The following CNBD1 variants were observed in gnomAD, a reference collection of about 807,000 sequenced individuals.
CNBD1 encodes the protein cyclic nucleotide binding domain containing 1.
A neutral mutation model predicts 54.4 loss-of-function variants in CNBD1; 71 were observed. The observed-to-expected ratio is 1.30, with a 90% CI of 1.08 to 1.59. The LOEUF is 1.59. Among genes scored for constraint, CNBD1 ranks in the 40% most tolerant of loss-of-function variants. The probability of loss-of-function intolerance (pLI) is 0.00; values close to 1 mark genes in which losing one functional copy is unlikely to be tolerated. For synonymous variants in CNBD1, 182 were observed against 170.7 expected (o/e 1.07, Z -0.51); for missense variants, 659 against 518.0 (o/e 1.27, Z -2.64).
chr8:87,051,764 A>C (rs945212364), intron 4 of CNBD1, among the ~76,000 whole-genome samples: 1 of 152,186 alleles, frequency 6.6e-6, no homozygotes, highest in Non-Finnish European at 1.5e-5. Flanking sequence ...TCATTCTGGT[A>C]AACCCACAAC....
chr8:87,260,577 T>C (rs1445975659), intron 6 of CNBD1, among the ~76,000 whole-genome samples: 3 of 152,182 alleles, frequency 2.0e-5, no homozygotes, highest in Non-Finnish European at 2.9e-5. Context: ...TCCACTGTTT[T>C]TGCACAGGGA....
intron 4 of CNBD1, among the ~76,000 whole-genome samples, chr8:86,977,036 C>T (rs1349839655): frequency 6.6e-6 from 1 of 151,960 alleles, no homozygotes; most frequent in African/African-American, 2.4e-5. Context: ...CAAAATTGCT[C>T]TGTCTAGAAT....
At chr8:87,116,954 GT>G (rs1180427709) in intron 4 of CNBD1, among the ~76,000 whole-genome samples, 1 of 151,884 alleles carries the variant, frequency 6.6e-6, no homozygotes, top group African/African-American at 2.4e-5. Flanking sequence ...TACTCTTTCT[GT>G]TTTTCTTACC....
chr8:87,244,158 A>G (rs896377197), intron 6 of CNBD1, among the ~76,000 whole-genome samples: 1 of 152,146 alleles, frequency 6.6e-6, no homozygotes, highest in African/African-American at 2.4e-5. Flanking sequence ...TGTAAGAAGT[A>G]CATTGGTCCC....
At chr8:87,258,028 A>G (rs1165344167) in intron 6 of CNBD1, among the ~76,000 whole-genome samples, 2 of 152,148 alleles carry the variant, frequency 1.3e-5, no homozygotes, top group African/African-American at 4.8e-5. Context: ...TATAACCTGA[A>G]GATTAAACAT....
At position 86,939,773 on chromosome 8, in the gene CNBD1, T is replaced by C. The variant is rs756027838; in HGVS notation, c.431+19T>C. Reference sequence around the variant, plus strand: ...AGAAATTGTAAGTATTTAAAATATATTCCTTCTTCTAATTGAGTAATTCTT... The same window carrying C: ...AGAAATTGTAAGTATTTAAAATATACTCCTTCTTCTAATTGAGTAATTCTT... On this transcript the variant is annotated intron_variant, in intron 4 of 10. Transcript: ENST00000518476. The C allele has an allele frequency of 7.2e-7, 1 of 1,392,138 alleles. No homozygotes were observed. Among genetic ancestry groups the C allele is most frequent in the Admixed American group, 2.4e-5 (1 of 42,250 alleles). The allele number at this position is 1,392,138 out of a possible 1,614,324, so 86.2% of individuals were successfully genotyped here.
chr8:86,919,867 A>T (rs1563822059), intron 3 of CNBD1, among the ~76,000 whole-genome samples: 1 of 152,160 alleles, frequency 6.6e-6, no homozygotes, highest in Non-Finnish European at 1.5e-5. Flanking sequence ...TAAAATGCAG[A>T]TTCCAATTCA....
At chr8:87,036,509 G>T (rs910195959) in intron 4 of CNBD1, among the ~76,000 whole-genome samples, 3 of 147,200 alleles carry the variant, frequency 2.0e-5, no homozygotes, top group Non-Finnish European at 3.0e-5. Context: ...CAGGAGAATG[G>T]CTTGAACCCA....
intron 4 of CNBD1, among the ~76,000 whole-genome samples, chr8:87,140,830 A>T (rs1812356386): frequency 1.3e-5 from 2 of 152,180 alleles, no homozygotes; most frequent in Admixed American, 1.3e-4. Context: ...GAGTAGGCAT[A>T]ACTGGTGACA....
intron 4 of CNBD1, among the ~76,000 whole-genome samples, chr8:87,161,795 AG>A (rs1812863715): frequency 1.3e-5 from 2 of 152,162 alleles, no homozygotes; most frequent in Non-Finnish European, 2.9e-5. Context: ...TAAGTACTGA[AG>A]AAAATAATGT....
chr8:87,384,787 C>T (rs903133186), downstream of CNBD1, among the ~76,000 whole-genome samples: 1 of 151,778 alleles, frequency 6.6e-6, no homozygotes, highest in Non-Finnish European at 1.5e-5. Context: ...TAAGATAGAA[C>T]AATATAGGTA....
intron 4 of CNBD1, among the ~76,000 whole-genome samples, chr8:87,196,276 A>G (rs183936762): frequency 2.7e-4 from 41 of 152,306 alleles, no homozygotes; most frequent in Admixed American, 7.2e-4. Context: ...AGAAGATATG[A>G]TATTTTTAAG....
chr8:87,113,881 T>A (rs1200851668), intron 4 of CNBD1, among the ~76,000 whole-genome samples: 5 of 151,286 alleles, frequency 3.3e-5, no homozygotes, highest in African/African-American at 4.9e-5. Flanking sequence ...ATCGCGCCAC[T>A]GTACTTCAAC....
At chr8:87,269,687 A>G (rs980337655) in intron 6 of CNBD1, among the ~76,000 whole-genome samples, 6 of 152,070 alleles carry the variant, frequency 3.9e-5, no homozygotes, top group Non-Finnish European at 5.9e-5. Flanking sequence ...GCTATTGTAA[A>G]TGGAATTGCT....
At chr8:86,890,325 T>C (rs1808749811) in intron 2 of CNBD1, among the ~76,000 whole-genome samples, 1 of 152,126 alleles carries the variant, frequency 6.6e-6, no homozygotes, top group African/African-American at 2.4e-5. Context: ...ATTCCACCTC[T>C]ATGTGAGATC....
chr8:87,009,581 C>A (rs1809172650), intron 4 of CNBD1, among the ~76,000 whole-genome samples: 1 of 152,150 alleles, frequency 6.6e-6, no homozygotes, highest in Non-Finnish European at 1.5e-5. Flanking sequence ...GGTTTACAGG[C>A]ATGAGCCACC....
chr8:87,059,902 C>T (rs1052836682), intron 4 of CNBD1, among the ~76,000 whole-genome samples: 1 of 152,214 alleles, frequency 6.6e-6, no homozygotes, highest in Non-Finnish European at 1.5e-5. Context: ...TTGTCCTGAT[C>T]TCTGTGGCCT....
intron 1 of CNBD1, 109 bp from the exon 2 acceptor site, chr8:86,887,432 AG>A: frequency 1.5e-6 from 1 of 673,930 alleles, no homozygotes; most frequent in Non-Finnish European, 2.6e-6. Context: ...TCACTTCCAT[AG>A]TCACTGAATT....
chr8:87,015,214 T>C lies in CNBD1; in HGVS notation c.431+75460T>C, dbSNP rs532583907. 7.2e-5 allele frequency among the ~76,000 whole-genome samples: 11 copies of C among 152,294 alleles called. No individual in the cohort carries two copies. The South Asian group carries it at 2.3e-3, about 32-fold the overall frequency. On this transcript the variant is annotated intron_variant, in intron 4 of 10. Transcript: ENST00000518476. ...GGGGGCGAACGGAGTCTTGCTGTGT[T>C]GCCCAGGCTGGAGGCTGGAGTGCAG... is the stretch of plus-strand genomic sequence containing the variant.
Sources: allele counts gnomAD v4.1 joint callset (sites outside exome capture counted in the v4.1 genomes callset), GRCh38; gene constraint gnomAD v4.1.1; transcripts MANE v1.5; gene names NCBI Gene and HGNC (gene_info 2026-07-23, HGNC 2026-07-21).